TRIM2: variants seen among roughly 807,000 people sequenced by gnomAD.
The protein encoded by TRIM2 is tripartite motif containing 2.
TRIM2 carries 20 observed loss-of-function variants against 75.2 expected under a neutral mutation model. The observed-to-expected ratio is 0.27, with a 90% confidence interval of 0.19 to 0.39. The LOEUF is 0.39. Among genes scored for constraint, TRIM2 ranks in the 10% least tolerant of loss-of-function variants. The probability of loss-of-function intolerance (pLI) is 1.00; values close to 1 mark genes in which losing one functional copy is unlikely to be tolerated. For synonymous variants in TRIM2, 373 were observed against 388.3 expected (o/e 0.96, Z 0.46); for missense variants, 660 against 990.8 (o/e 0.67, Z 4.48).
At chr4:153,251,804 C>A (rs572377512) in intron 1 of TRIM2, among the ~76,000 whole-genome samples, 118 of 152,046 alleles carry the variant, frequency 7.8e-4, no homozygotes, top group African/African-American at 2.8e-3. Flanking sequence ...CATGGCAAAA[C>A]CCTGTCTCCA....
At chr4:153,222,072 A>AGGAAG (rs1740698304) in intron 1 of TRIM2, among the ~76,000 whole-genome samples, 59 of 49,582 alleles carry the variant, frequency 1.2e-3, no homozygotes, top group South Asian at 2.4e-3. Context: ...AAGGAAGGAA[A>AGGAAG]GAAAGAGAGA....
intron 1 of TRIM2, among the ~76,000 whole-genome samples, chr4:153,227,256 C>G (rs559742351): frequency 6.6e-6 from 1 of 152,318 alleles, no homozygotes; most frequent in East Asian, 1.9e-4. Flanking sequence ...TGCTACTTAA[C>G]CCCAAGACTC....
intron 4 of TRIM2, 119 bp downstream of exon 4, chr4:153,293,252 G>T (rs1762177543): frequency 9.6e-7 from 1 of 1,036,696 alleles, no homozygotes; most frequent in East Asian, 2.6e-5. Context: ...GGCTTTGTGG[G>T]TAAATAAGTT....
intron 1 of TRIM2, among the ~76,000 whole-genome samples, chr4:153,241,435 C>T (rs1157663565): frequency 1.3e-5 from 2 of 152,120 alleles, no homozygotes; most frequent in Non-Finnish European, 2.9e-5. Context: ...GGTTTGTGGG[C>T]GAGACACCTC....
At chr4:153,209,733 T>C (rs1736434872) in intron 1 of TRIM2, among the ~76,000 whole-genome samples, 1 of 152,250 alleles carries the variant, frequency 6.6e-6, no homozygotes. Context: ...ATGAGATCTA[T>C]TCCTTAGTGT....
chr4:153,257,434 G>T, intron 1 of TRIM2: 1 of 1,211,692 alleles, frequency 8.3e-7, no homozygotes, highest in South Asian at 1.5e-5. Flanking sequence ...AGACCGATTG[G>T]TGTGAATACT....
intron 1 of TRIM2, among the ~76,000 whole-genome samples, chr4:153,220,416 T>TAGAG (rs1171926882): frequency 6.6e-6 from 1 of 152,126 alleles, no homozygotes; most frequent in African/African-American, 2.4e-5. Context: ...ACAGACTAAC[T>TAGAG]CTAGTTAGTC....
chr4:153,160,650 A>G lies in TRIM2; in HGVS notation c.-49+7380A>G, dbSNP rs564259530. Among the ~76,000 whole-genome samples, 3 of 152,268 alleles carry G rather than the reference A, an allele frequency of 2.0e-5. No individual in the cohort carries two copies. The East Asian group carries it at 5.8e-4, about 29-fold the overall frequency. ...CACCCTGTTGCCCAAGCTGGAGTAC[A>G]GTAATGTGATCATGGCTCACTGCAG... On this transcript the variant is annotated intron_variant, in intron 1 of 11. Transcript: ENST00000437508.
intron 6 of TRIM2, among the ~76,000 whole-genome samples, chr4:153,298,680 T>A (rs975590147): frequency 6.6e-6 from 1 of 152,192 alleles, no homozygotes; most frequent in Non-Finnish European, 1.5e-5. Context: ...TCAATTTTTT[T>A]ATAGAGAACA....
intron 11 of TRIM2, among the ~76,000 whole-genome samples, chr4:153,333,442 C>T (rs909345919): frequency 1.3e-5 from 2 of 152,128 alleles, no homozygotes; most frequent in African/African-American, 4.8e-5. Context: ...ACACACACAA[C>T]CCAAAGTCAA....
At chr4:153,164,644 C>T (rs1043183936) in intron 1 of TRIM2, among the ~76,000 whole-genome samples, 2 of 152,170 alleles carry the variant, frequency 1.3e-5, no homozygotes, top group Non-Finnish European at 2.9e-5. Context: ...TATTACCAGC[C>T]TCTCCCATAT....
Position 153,296,249 on chromosome 4 carries a change from C to G in TRIM2, c.1510+213C>G, listed in dbSNP as rs549410312. On this transcript the variant is annotated intron_variant, in intron 6 of 11. Coordinates refer to ENST00000338700, the MANE Select transcript of TRIM2 (RefSeq NM_015271.5). Reference sequence around the variant, plus strand: ...CCTTCTCCTCCGCCTCTAGTCTCCTCCCTACTCCCTCCTTTCTCTTCTTCC... The same window carrying G: ...CCTTCTCCTCCGCCTCTAGTCTCCTGCCTACTCCCTCCTTTCTCTTCTTCC... 1.1e-4 allele frequency among the ~76,000 whole-genome samples: 16 copies of G among 152,330 alleles called. No homozygotes were observed. In the East Asian group the frequency reaches 1.5e-3, roughly 15 times the overall value.
chr4:153,261,387 T>C (rs1323230911), intron 1 of TRIM2, among the ~76,000 whole-genome samples: 1 of 151,892 alleles, frequency 6.6e-6, no homozygotes, highest in Non-Finnish European at 1.5e-5. Context: ...CACACCACTG[T>C]ACTCCAGCCT....
chr4:153,287,911 A>T (rs1393786193), intron 3 of TRIM2, among the ~76,000 whole-genome samples: 1 of 152,156 alleles, frequency 6.6e-6, no homozygotes, highest in Non-Finnish European at 1.5e-5. Flanking sequence ...TAGTGTATCA[A>T]ATCAGGTCAG....
At chr4:153,267,670 A>C (rs1364505987) in intron 1 of TRIM2, among the ~76,000 whole-genome samples, 1 of 152,160 alleles carries the variant, frequency 6.6e-6, no homozygotes. Flanking sequence ...TAGTAATAAT[A>C]AAGAATAAAG....
At chr4:153,220,339 G>T (rs188554419) in intron 1 of TRIM2, among the ~76,000 whole-genome samples, 7 of 152,250 alleles carry the variant, frequency 4.6e-5, no homozygotes, top group Admixed American at 2.0e-4. Context: ...TGAGAGACAG[G>T]TTGTTATAGA....
At chr4:153,196,151 C>T (rs988366336) in intron 1 of TRIM2, among the ~76,000 whole-genome samples, 8 of 152,134 alleles carry the variant, frequency 5.3e-5, no homozygotes, top group African/African-American at 1.4e-4. Flanking sequence ...ATTGGCCGGG[C>T]AGGGTGGCTC....
At chr4:153,305,392 A>C (rs1764760183) in intron 6 of TRIM2, among the ~76,000 whole-genome samples, 1 of 152,232 alleles carries the variant, frequency 6.6e-6, no homozygotes, top group Admixed American at 6.5e-5. Context: ...ACTAGTTAGC[A>C]TATTCACAGT....
At chr4:153,196,652 G>A (rs1733812117) in intron 1 of TRIM2, among the ~76,000 whole-genome samples, 2 of 152,142 alleles carry the variant, frequency 1.3e-5, no homozygotes, top group Admixed American at 1.3e-4. Flanking sequence ...TGGCTCTCTG[G>A]TAGCTTCTTC....
Sources: gnomAD v4.1 joint callset for allele counts (sites outside exome capture counted in the v4.1 genomes callset) on GRCh38, gnomAD v4.1.1 for gene constraint, MANE v1.5 for transcripts, NCBI Gene and HGNC (gene_info 2026-07-23, HGNC 2026-07-21) for gene names.